The following UBE2H variants were observed in gnomAD, a reference collection of about 807,000 sequenced individuals.
The protein encoded by UBE2H is ubiquitin conjugating enzyme E2 H.
In UBE2H, 3 loss-of-function variants were observed where a neutral mutation model predicts 29.0. The observed-to-expected ratio is 0.10, with a 90% CI of 0.05 to 0.27. The LOEUF (loss-of-function observed/expected upper bound fraction) is 0.27, where lower values mean the gene tolerates loss of function less well. UBE2H is among the 10% of genes least tolerant of loss of function. The pLI, the probability that UBE2H is intolerant of heterozygous loss-of-function variation, is 1.00. For missense variants in UBE2H, 68 were observed against 228.2 expected (o/e 0.30, Z 4.52); for synonymous variants, 69 against 82.9 (o/e 0.83, Z 0.91).
At chr7:129,942,207 G>A (rs1321367162) in intron 1 of UBE2H, among the ~76,000 whole-genome samples, 6 of 121,670 alleles carry the variant, frequency 4.9e-5, no homozygotes, top group South Asian at 2.7e-4. Flanking sequence ...TGTGAGACTC[G>A]GTCTCAAAAA....
chr7:129,944,354 TCAAAACAAAACAAAA>T (rs77887526), intron 1 of UBE2H, among the ~76,000 whole-genome samples: 1 of 151,978 alleles, frequency 6.6e-6, no homozygotes, highest in African/African-American at 2.4e-5. Context: ...AGACTCCGTC[TCAAAACAAAACAAAA>T]CAAAACAAAA....
intron 1 of UBE2H, among the ~76,000 whole-genome samples, chr7:129,922,364 T>C (rs1807180884): frequency 6.6e-6 from 1 of 151,604 alleles, no homozygotes; most frequent in Non-Finnish European, 1.5e-5. Context: ...CGGCTCACTG[T>C]AACCTCTGCC....
At chr7:129,901,118 A>G (rs1275495639) in intron 1 of UBE2H, among the ~76,000 whole-genome samples, 1 of 152,208 alleles carries the variant, frequency 6.6e-6, no homozygotes, top group Non-Finnish European at 1.5e-5. Flanking sequence ...AATTAATAAG[A>G]AACCAATGTA....
At chr7:129,847,824 C>CT (rs971090514) in intron 5 of UBE2H, among the ~76,000 whole-genome samples, 7 of 151,908 alleles carry the variant, frequency 4.6e-5, no homozygotes, top group African/African-American at 1.7e-4. Context: ...TAGGTTGACT[C>CT]TAACGCCCTG....
intron 3 of UBE2H, 117 bp downstream of exon 3, chr7:129,879,451 A>G (rs1806211312): frequency 9.9e-7 from 1 of 1,010,726 alleles, no homozygotes; most frequent in African/African-American, 1.6e-5. Context: ...CAAAGCCAAA[A>G]AAGGAAAAAT....
Position 129,877,678 on chromosome 7 carries a change from C to G in UBE2H, c.205+1890G>C, listed in dbSNP as rs1312782259. On this transcript the variant is annotated intron_variant, in intron 3 of 6. Transcript: ENST00000355621. ...AGTTAAATTAGCTTAGTCATTTGTC[C>G]CAACCAAATTTCATATTGCATCATT... 2.6e-5 allele frequency among the ~76,000 whole-genome samples: 4 copies of G among 152,088 alleles called. No homozygotes were observed. The East Asian group carries it at 5.8e-4, about 22-fold the overall frequency.
intron 3 of UBE2H, among the ~76,000 whole-genome samples, chr7:129,872,710 G>C (rs550401676): frequency 1.3e-3 from 203 of 151,930 alleles, no homozygotes; most frequent in African/African-American, 4.8e-3. Flanking sequence ...GGGCATGATG[G>C]AGCATGCCTG....
rs777257013 is a variant in UBE2H at position 129,857,572 on chromosome 7, G to A, written c.246-9C>T. The A allele has an allele frequency of 2.1e-5, 34 of 1,609,840 alleles. No homozygotes were observed. The highest frequency in any genetic ancestry group is 2.8e-5 in the Non-Finnish European group (33 of 1,178,596). ...GACACACAGTTCCTGACCTGAAACA[G>A]ATGGAAAGAATGGCATGTTTTTAAA... On this transcript the variant is annotated splice_polypyrimidine_tract_variant and intron_variant, in intron 4 of 6. Transcript: ENST00000355621.
chr7:129,848,202 G>A (rs1440091092), intron 5 of UBE2H, among the ~76,000 whole-genome samples: 1 of 152,126 alleles, frequency 6.6e-6, no homozygotes, highest in African/African-American at 2.4e-5. Flanking sequence ...CAGCCTGGAC[G>A]ACAGAGCAAG....
At chr7:129,880,735 TA>T (rs1373090788) in intron 2 of UBE2H, 159 bp downstream of exon 2, 6 of 631,838 alleles carry the variant, frequency 9.5e-6, no homozygotes, top group African/African-American at 9.3e-5. Flanking sequence ...TGACTGTATA[TA>T]AAGTGATTGT....
intron 1 of UBE2H, among the ~76,000 whole-genome samples, chr7:129,932,570 C>A (rs1402088478): frequency 1.3e-5 from 2 of 151,166 alleles, no homozygotes; most frequent in Admixed American, 6.6e-5. Flanking sequence ...CAGAGGAGAT[C>A]GAGACCACGC....
chr7:129,863,105 CA>C (rs1203810849), intron 3 of UBE2H, among the ~76,000 whole-genome samples: 1 of 152,214 alleles, frequency 6.6e-6, no homozygotes, highest in Non-Finnish European at 1.5e-5. Context: ...CCTCATTGGA[CA>C]TGACCTGGAG....
chr7:129,947,450 G>T (rs74609229), intron 1 of UBE2H, among the ~76,000 whole-genome samples: 163 of 152,258 alleles, frequency 1.1e-3, no homozygotes, highest in African/African-American at 3.5e-3. Context: ...AAAGATTTAG[G>T]GAACTGTCTA....
intron 1 of UBE2H, among the ~76,000 whole-genome samples, chr7:129,944,334 G>A (rs946447518): frequency 6.6e-6 from 1 of 152,088 alleles, no homozygotes; most frequent in Non-Finnish European, 1.5e-5. Context: ...CAGCCTGGGC[G>A]ACAGAGCGAA....
At chr7:129,920,908 T>C (rs373653486) in intron 1 of UBE2H, among the ~76,000 whole-genome samples, 1 of 147,222 alleles carries the variant, frequency 6.8e-6, no homozygotes, top group South Asian at 2.2e-4. Flanking sequence ...CCGGGCACAG[T>C]GGCTCACTGT....
rs936229062 is a variant in UBE2H, at chr7:129,936,028, T to C, written c.53+16475A>G. 3.3e-5 allele frequency among the ~76,000 whole-genome samples: 5 copies of C among 152,308 alleles called. No homozygotes were observed. In the East Asian group the frequency reaches 9.6e-4, roughly 29 times the overall value. ...TATATTCGGAAAGCCACCATTGCTT[T>C]GTAATACTAGTATTTGCAGTCCAGG... On this transcript the variant is annotated intron_variant, in intron 1 of 6. Coordinates refer to ENST00000355621, the MANE Select transcript of UBE2H (RefSeq NM_003344.4).
intron 1 of UBE2H, among the ~76,000 whole-genome samples, chr7:129,885,818 A>G (rs531996134): frequency 4.6e-5 from 7 of 152,328 alleles, no homozygotes; most frequent in African/African-American, 1.4e-4. Flanking sequence ...AAAGAAAAAC[A>G]CTGCATTAAA....
intron 1 of UBE2H, among the ~76,000 whole-genome samples, chr7:129,950,326 G>A (rs1563056595): frequency 6.6e-6 from 1 of 152,104 alleles, no homozygotes; most frequent in Non-Finnish European, 1.5e-5. Context: ...GGAAAGAACA[G>A]AAGGCCAATG....
chr7:129,858,285 TG>T (rs1270057465), intron 4 of UBE2H, among the ~76,000 whole-genome samples: 1 of 152,224 alleles, frequency 6.6e-6, no homozygotes, highest in Non-Finnish European at 1.5e-5. Flanking sequence ...GCATGATGTA[TG>T]TATATATACA....
Sources: gnomAD v4.1 joint callset for allele counts (sites outside exome capture counted in the v4.1 genomes callset) on GRCh38, gnomAD v4.1.1 for gene constraint, MANE v1.5 for transcripts, NCBI Gene and HGNC (gene_info 2026-07-23, HGNC 2026-07-21) for gene names.